Variants in MACROD2 observed in about 807,000 individuals in gnomAD.
MACROD2 encodes mono-ADP ribosylhydrolase 2.
In MACROD2, 36 loss-of-function variants were observed where a neutral mutation model predicts 70.4. That is an observed-to-expected ratio of 0.51 (90% confidence interval 0.39 to 0.68). The LOEUF (loss-of-function observed/expected upper bound fraction) is 0.68, where lower values mean the gene tolerates loss of function less well. Among genes scored for constraint, MACROD2 ranks in the 30% least tolerant of loss-of-function variants. The pLI is 0.00. For synonymous variants in MACROD2, 172 were observed against 178.8 expected (o/e 0.96, Z 0.30); for missense variants, 496 against 538.4 (o/e 0.92, Z 0.78).
At chr20:15,301,914 A>G (rs937608574) in intron 6 of MACROD2, among the ~76,000 whole-genome samples, 7 of 152,140 alleles carry the variant, frequency 4.6e-5, no homozygotes, top group South Asian at 2.1e-4. Context: ...CTTAAACTCA[A>G]CAAGACAGGA....
intron 3 of MACROD2, among the ~76,000 whole-genome samples, chr20:14,116,059 G>A (rs770881781): frequency 2.0e-5 from 3 of 152,124 alleles, no homozygotes; most frequent in Non-Finnish European, 4.4e-5. Flanking sequence ...GGGCTGATTG[G>A]TGAATCTTGA....
At chr20:14,270,194 T>G (rs989032440) in intron 3 of MACROD2, among the ~76,000 whole-genome samples, 2 of 152,174 alleles carry the variant, frequency 1.3e-5, no homozygotes, top group African/African-American at 4.8e-5. Context: ...CATATGAAAG[T>G]GTCTATATGC....
At chr20:15,633,807 T>C (rs2049326086) in intron 8 of MACROD2, among the ~76,000 whole-genome samples, 1 of 152,236 alleles carries the variant, frequency 6.6e-6, no homozygotes, top group Non-Finnish European at 1.5e-5. Flanking sequence ...AATTAGATGT[T>C]TGTCTACATA....
intron 6 of MACROD2, among the ~76,000 whole-genome samples, chr20:15,243,759 CA>C (rs11477751): frequency 0.28 from 40,397 of 142,002 alleles, 5,572 homozygotes; most frequent in African/African-American, 0.35. Context: ...ACTAAAAATA[CA>C]AAAAAAAAAA....
At chr20:15,358,104 G>C (rs1488629351) in intron 6 of MACROD2, among the ~76,000 whole-genome samples, 1 of 152,094 alleles carries the variant, frequency 6.6e-6, no homozygotes, top group Admixed American at 6.5e-5. Context: ...CACCGCGCCC[G>C]GCCCTCAGTC....
At chr20:14,507,832 T>C (rs998345264) in intron 4 of MACROD2, among the ~76,000 whole-genome samples, 2 of 152,164 alleles carry the variant, frequency 1.3e-5, no homozygotes, top group South Asian at 4.1e-4. Context: ...TTTCTATGAT[T>C]GAGTGCGCTG....
chr20:15,198,237 G>C (rs953051121), intron 5 of MACROD2, among the ~76,000 whole-genome samples: 1 of 152,078 alleles, frequency 6.6e-6, no homozygotes, highest in Admixed American at 6.5e-5. Context: ...TGAATTACAG[G>C]CATGAGCCAA....
rs74407950 is a variant in MACROD2 at position 15,839,431 on chromosome 20, T to C, written c.646-23314T>C. ...TCGGCTTACTGAAAGGTGACGGAAG[T>C]GAGGCTAAGTTAGTTCCAAGGCTGG... On this transcript the variant is annotated intron_variant, in intron 8 of 17. Transcript: ENST00000684519. 8.4e-3 allele frequency among the ~76,000 whole-genome samples: 1,282 copies of C among 152,270 alleles called. 23 individuals are homozygous for C. In the East Asian group the frequency reaches 0.092, roughly 11 times the overall value.
chr20:14,268,769 T>G (rs1168014931), intron 3 of MACROD2, among the ~76,000 whole-genome samples: 2 of 152,210 alleles, frequency 1.3e-5, no homozygotes, highest in African/African-American at 4.8e-5. Flanking sequence ...TGACGTCAAC[T>G]ATATTTCCCT....
intron 3 of MACROD2, among the ~76,000 whole-genome samples, chr20:14,202,908 T>C (rs1980702): frequency 0.99 from 151,305 of 152,274 alleles, 75,179 homozygotes; most frequent in East Asian, 1. Flanking sequence ...ATTACCCGGA[T>C]GTGGTGGCAC....
At chr20:14,862,463 A>T (rs961036625) in intron 5 of MACROD2, among the ~76,000 whole-genome samples, 1 of 4,700 alleles carries the variant, frequency 2.1e-4, no homozygotes. Context: ...ATATATATAA[A>T]TATATATATA....
At chr20:14,269,798 T>C (rs2082175210) in intron 3 of MACROD2, among the ~76,000 whole-genome samples, 1 of 127,638 alleles carries the variant, frequency 7.8e-6, no homozygotes, top group African/African-American at 2.5e-5. Flanking sequence ...TTTGATAAAC[T>C]TGTGGGTTTT....
At chr20:15,692,781 C>A (rs1312509174) in intron 8 of MACROD2, among the ~76,000 whole-genome samples, 5 of 152,046 alleles carry the variant, frequency 3.3e-5, no homozygotes, top group Admixed American at 6.6e-5. Flanking sequence ...TTTTACCCAC[C>A]CAAAGGCCAT....
intron 10 of MACROD2, among the ~76,000 whole-genome samples, chr20:15,904,115 C>G (rs1415267708): frequency 1.3e-5 from 2 of 152,230 alleles, no homozygotes. Flanking sequence ...TCTTCTTGCT[C>G]TCCTCACCCC....
At chr20:15,328,413 GA>G (rs1454756431) in intron 6 of MACROD2, among the ~76,000 whole-genome samples, 1 of 152,112 alleles carries the variant, frequency 6.6e-6, no homozygotes, top group Admixed American at 6.6e-5. Context: ...CAGCAGAGGA[GA>G]AAAACACTCT....
chr20:15,914,044 C>T (rs1457717976), intron 10 of MACROD2, among the ~76,000 whole-genome samples: 2 of 152,130 alleles, frequency 1.3e-5, no homozygotes, highest in Non-Finnish European at 2.9e-5. Context: ...TTAAAGAGTT[C>T]TTTAGGGACT....
At chr20:15,644,959 G>A (rs1342040391) in intron 8 of MACROD2, among the ~76,000 whole-genome samples, 1 of 152,184 alleles carries the variant, frequency 6.6e-6, no homozygotes, top group Admixed American at 6.5e-5. Context: ...AAAGTGTTGG[G>A]ATTACAGGCG....
chr20:14,147,668 C>G (rs774969452), intron 3 of MACROD2, among the ~76,000 whole-genome samples: 29 of 152,064 alleles, frequency 1.9e-4, no homozygotes, highest in Admixed American at 5.2e-4. Flanking sequence ...GATAGAAAAG[C>G]AAGGAATGCT....
chr20:15,297,168 CT>C (rs1311231112), intron 6 of MACROD2, among the ~76,000 whole-genome samples: 2 of 152,124 alleles, frequency 1.3e-5, no homozygotes, highest in Admixed American at 6.5e-5. Context: ...CAGATTGTTC[CT>C]TTTTGCCCTT....
Sources: allele counts gnomAD v4.1 joint callset (sites outside exome capture counted in the v4.1 genomes callset), GRCh38; gene constraint gnomAD v4.1.1; transcripts MANE v1.5; gene names NCBI Gene and HGNC (gene_info 2026-07-23, HGNC 2026-07-21).